Variants in TMEM62 observed in about 807,000 individuals in gnomAD.
TMEM62 encodes the protein transmembrane protein 62.
In TMEM62, 41 loss-of-function variants were observed where a neutral mutation model predicts 70.4. The ratio of observed to expected loss-of-function variants is 0.58; its 90% confidence interval spans 0.45 to 0.76. The LOEUF (loss-of-function observed/expected upper bound fraction) is 0.76, where lower values mean the gene tolerates loss of function less well. TMEM62 is among the 30% of genes least tolerant of loss of function. TMEM62 has a pLI of 0.00. For missense variants in TMEM62, 688 were observed against 788.5 expected (o/e 0.87, Z 1.53); for synonymous variants, 268 against 291.0 (o/e 0.92, Z 0.80).
At chr15:43,151,657 TA>T in intron 7 of TMEM62, 132 bp from the exon 8 acceptor site, 1 of 759,204 alleles carries the variant, frequency 1.3e-6, no homozygotes. Flanking sequence ...AAGAAAATAT[TA>T]CTTAATCTGT....
intron 10 of TMEM62, chr15:43,169,096 A>G (rs2039918211): frequency 6.5e-6 from 1 of 153,580 alleles, no homozygotes; most frequent in African/African-American, 2.4e-5. Flanking sequence ...TAGGCAATGA[A>G]GTACTGTGTT....
Position 43,155,097 on chromosome 15 carries a change from C to T in TMEM62, c.1182+266C>T, listed in dbSNP as rs1285337818. ...TACAAAAATTGGCTGGGCACAGTGG[C>T]ATGTGCCTGTAGTCCCAGCTACTCA... On this transcript the variant is annotated intron_variant, in intron 9 of 13. Coordinates refer to ENST00000260403, the MANE Select transcript of TMEM62 (RefSeq NM_024956.4). Among the ~76,000 whole-genome samples, 2 of 152,130 alleles carry T rather than the reference C, an allele frequency of 1.3e-5. 1 individual carries two copies. Among genetic ancestry groups the T allele is most frequent in the Non-Finnish European group, 2.9e-5 (2 of 68,020 alleles).
intron 11 of TMEM62, among the ~76,000 whole-genome samples, chr15:43,170,807 A>T (rs2040107671): frequency 6.6e-6 from 1 of 152,184 alleles, no homozygotes. Flanking sequence ...TGTACACACT[A>T]TATTATAGAG....
chr15:43,135,301 A>G (rs2035056185), intron 2 of TMEM62, among the ~76,000 whole-genome samples: 1 of 152,214 alleles, frequency 6.6e-6, no homozygotes, highest in Non-Finnish European at 1.5e-5. Context: ...TTGAACAGGC[A>G]TTTGCTAACC....
intron 9 of TMEM62, among the ~76,000 whole-genome samples, chr15:43,157,326 G>T (rs1018197317): frequency 6.6e-6 from 1 of 152,116 alleles, no homozygotes; most frequent in African/African-American, 2.4e-5. Flanking sequence ...CTCTCCAGGT[G>T]ATTCTGATGT....
In TMEM62 at chr15:43,178,646, A is replaced by C. The variant is rs958421336; in HGVS notation, c.1421A>C (p.His474Pro). The C allele has an allele frequency of 6.2e-7, 1 of 1,613,100 alleles. No individual in the cohort carries two copies. Among genetic ancestry groups the C allele is most frequent in the Non-Finnish European group, 8.5e-7 (1 of 1,179,358 alleles). The change falls in exon 12 of 14, where the codon CAT becomes CCT. Residue 474 changes from histidine (H) to proline (P), a missense_variant. By Grantham distance (77) the His-to-Pro change is moderately conservative. Coordinates refer to ENST00000260403, the MANE Select transcript of TMEM62 (RefSeq NM_024956.4). ...ATAAATCTGACCTCATTTTCTCTTCATGTCTTGAGCAAAATAAACATCTTC... is the reference window on the plus strand; with the variant it reads ...ATAAATCTGACCTCATTTTCTCTTCCTGTCTTGAGCAAAATAAACATCTTC... ...GFINLTSFSL[H>P]VLSKINIFYY...
rs1402810730 is a variant in TMEM62, at chr15:43,184,608, A to C, written c.*22A>C. 2 of 1,599,430 alleles carry C rather than the reference A, an allele frequency of 1.3e-6. No individual in the cohort carries two copies. The highest frequency in any genetic ancestry group is 2.2e-5 in the East Asian group (1 of 44,824). On this transcript the variant is annotated 3_prime_UTR_variant, in exon 14 of 14. Coordinates refer to ENST00000260403, the MANE Select transcript of TMEM62 (RefSeq NM_024956.4). Reference sequence around the variant, plus strand: ...CTGAAGGCCATGTCTCACCACTGGCAGCTGGGCAGAAGCCCAGCCTCTGTG... The same window carrying C: ...CTGAAGGCCATGTCTCACCACTGGCCGCTGGGCAGAAGCCCAGCCTCTGTG...
chr15:43,183,592 T>C (rs764047199), intron 13 of TMEM62, among the ~76,000 whole-genome samples: 1 of 152,202 alleles, frequency 6.6e-6, no homozygotes, highest in Non-Finnish European at 1.5e-5. Context: ...TACCTTCTCA[T>C]GACCCAGTTC....
At chr15:43,141,987 G>C (rs2036074547) in intron 4 of TMEM62, among the ~76,000 whole-genome samples, 1 of 152,166 alleles carries the variant, frequency 6.6e-6, no homozygotes, top group African/African-American at 2.4e-5. Context: ...AGCAGAAAAA[G>C]TGGTTTCTTG....
chr15:43,140,553 C>T (rs1305911301), intron 4 of TMEM62, among the ~76,000 whole-genome samples: 2 of 152,190 alleles, frequency 1.3e-5, no homozygotes, highest in Admixed American at 1.3e-4. Context: ...TTCTCCTTCT[C>T]TCTATCAATA....
In TMEM62 at chr15:43,133,983, G is replaced by T; in HGVS notation, c.180+1G>T. 6 of 1,442,908 alleles carry T rather than the reference G, an allele frequency of 4.2e-6. No homozygotes were observed. The highest frequency in any genetic ancestry group is 5.4e-6 in the Non-Finnish European group (6 of 1,103,954). The allele number at this position is 1,442,908 out of a possible 1,614,324, so 89.4% of individuals were successfully genotyped here. On this transcript the variant is annotated splice_donor_variant, in intron 1 of 13. Transcript: ENST00000260403. LOFTEE classifies it high-confidence loss of function. Reference sequence around the variant, plus strand: ...CAGCAACATCTTCTGGGGCCTGCAGGTGACGCGGCGGGAAGCCGGGCCGGG... The same window carrying T: ...CAGCAACATCTTCTGGGGCCTGCAGTTGACGCGGCGGGAAGCCGGGCCGGG...
intron 12 of TMEM62, 29 bp from the exon 13 acceptor site, chr15:43,181,152 C>A: frequency 7.5e-7 from 1 of 1,325,182 alleles, no homozygotes; most frequent in Non-Finnish European, 1.1e-6. Context: ...TATTTAATCT[C>A]CTCCTTTTTT....
intron 10 of TMEM62, among the ~76,000 whole-genome samples, chr15:43,164,080 G>A (rs1272772104): frequency 6.6e-6 from 1 of 152,298 alleles, no homozygotes; most frequent in South Asian, 2.1e-4. Flanking sequence ...CCAGTACAAT[G>A]AAAGTGGACT....
At chr15:43,135,796 G>T in intron 3 of TMEM62, 147 bp downstream of exon 3, 1 of 949,572 alleles carries the variant, frequency 1.1e-6, no homozygotes, top group Non-Finnish European at 1.4e-6. Flanking sequence ...TATATAATGT[G>T]GTTTTAAAAC....
intron 4 of TMEM62, chr15:43,146,030 A>AT (rs927943235): frequency 2.6e-5 from 4 of 152,788 alleles, no homozygotes; most frequent in Non-Finnish European, 5.8e-5. Context: ...CTAGACTAAT[A>AT]TTTTTTCTCC....
rs369323109 is a variant in TMEM62 at position 43,178,320 on chromosome 15, C to T, written c.1382-287C>T. Among the ~76,000 whole-genome samples, 6 of 151,578 alleles carry T rather than the reference C, an allele frequency of 4.0e-5. No homozygotes were observed. The East Asian group carries it at 7.7e-4, about 19-fold the overall frequency. On this transcript the variant is annotated intron_variant, in intron 11 of 13. Coordinates refer to ENST00000260403, the MANE Select transcript of TMEM62 (RefSeq NM_024956.4). ...ATATATGTGCATATATATATGAGTT[C>T]GATATATTGTGATATATATAACAAT... is the stretch of plus-strand genomic sequence containing the variant.
At chr15:43,140,841 C>T (rs527781565) in intron 4 of TMEM62, among the ~76,000 whole-genome samples, 3 of 152,318 alleles carry the variant, frequency 2.0e-5, no homozygotes, top group Non-Finnish European at 4.4e-5. Context: ...TTGATGGCAT[C>T]CAAACCCGCG....
At chr15:43,167,265 A>AC (rs554820377) in intron 10 of TMEM62, among the ~76,000 whole-genome samples, 55 of 133,018 alleles carry the variant, frequency 4.1e-4, no homozygotes, top group African/African-American at 1.0e-3. Context: ...CGGGGGGCTG[A>AC]CCCCCCCACC....
At position 43,167,990 on chromosome 15, in the gene TMEM62, G is replaced by A. The variant is rs921080030; in HGVS notation, c.1297-1603G>A. Among the ~76,000 whole-genome samples, 7 of 152,052 alleles carry A rather than the reference G, an allele frequency of 4.6e-5. No individual in the cohort carries two copies. In the East Asian group the frequency reaches 9.7e-4, roughly 21 times the overall value. Reference sequence around the variant, plus strand: ...AATACGAAAACCAGTCAGGCGTGGCGGCGCACGCCTGCAATCGCAGGCACT... The same window carrying A: ...AATACGAAAACCAGTCAGGCGTGGCAGCGCACGCCTGCAATCGCAGGCACT... On this transcript the variant is annotated intron_variant, in intron 10 of 13. Transcript: ENST00000260403.
Sources: gnomAD v4.1 joint callset for allele counts (sites outside exome capture counted in the v4.1 genomes callset) on GRCh38, gnomAD v4.1.1 for gene constraint, MANE v1.5 for transcripts, NCBI Gene and HGNC (gene_info 2026-07-23, HGNC 2026-07-21) for gene names.